The following LEMD3 variants were observed in gnomAD, a reference collection of about 807,000 sequenced individuals.
LEMD3 encodes LEM domain containing 3, also known as inner nuclear membrane protein Man1.
In LEMD3, 33 loss-of-function variants were observed where a neutral mutation model predicts 95.2. That is an observed-to-expected ratio of 0.35 (90% confidence interval 0.26 to 0.46). The LOEUF is 0.46. Ranked by LOEUF, LEMD3 falls within the 20% of genes least tolerant of loss-of-function variation. The pLI, the probability that LEMD3 is intolerant of heterozygous loss-of-function variation, is 1.00. For synonymous variants in LEMD3, 525 were observed against 474.6 expected (o/e 1.11, Z -1.38); for missense variants, 1,210 against 1,192.8 (o/e 1.01, Z -0.21).
chr12:65,204,668 G>T (rs933145641), intron 1 of LEMD3, among the ~76,000 whole-genome samples: 9 of 152,134 alleles, frequency 5.9e-5, no homozygotes, highest in African/African-American at 1.9e-4. Flanking sequence ...ATAATAGAAT[G>T]ATTTATATTC....
At chr12:65,215,842 T>C (rs1211146925) in intron 2 of LEMD3, 135 bp from the exon 3 acceptor site, 2 of 525,900 alleles carry the variant, frequency 3.8e-6, no homozygotes. Flanking sequence ...GCCCATTACT[T>C]AAATGTGAAT....
chr12:65,178,955 A>G (rs1868816498), intron 1 of LEMD3, among the ~76,000 whole-genome samples: 1 of 152,226 alleles, frequency 6.6e-6, no homozygotes, highest in Non-Finnish European at 1.5e-5. Flanking sequence ...GAAAAGTTGT[A>G]TTCATTCAAC....
intron 3 of LEMD3, among the ~76,000 whole-genome samples, chr12:65,217,942 C>T (rs749136311): frequency 5.9e-5 from 9 of 152,072 alleles, no homozygotes; most frequent in Non-Finnish European, 8.8e-5. Flanking sequence ...CTCTGCTTCC[C>T]GAATAATTGG....
chr12:65,217,676 C>A (rs979775571), intron 3 of LEMD3, among the ~76,000 whole-genome samples: 2 of 152,084 alleles, frequency 1.3e-5, no homozygotes, highest in African/African-American at 2.4e-5. Context: ...AGAAAAAGCC[C>A]TGAATTCGCT....
chr12:65,240,272 A>G (rs773148290), intron 8 of LEMD3, 34 bp downstream of exon 8: 165 of 1,436,000 alleles, frequency 1.1e-4, no homozygotes, highest in Middle Eastern at 1.7e-4. Flanking sequence ...CAAGTAAATC[A>G]GAAAATTTAA....
At chr12:65,240,859 A>C in intron 8 of LEMD3, 50 bp from the exon 9 acceptor site, 1 of 1,528,018 alleles carries the variant, frequency 6.5e-7, no homozygotes, top group Non-Finnish European at 9.1e-7. Flanking sequence ...TATTTCAAAA[A>C]GATGACAAGC....
At chr12:65,201,700 T>G (rs1010005484) in intron 1 of LEMD3, among the ~76,000 whole-genome samples, 19 of 152,146 alleles carry the variant, frequency 1.2e-4, no homozygotes, top group African/African-American at 4.6e-4. Flanking sequence ...CTTTTGGATT[T>G]TCTACATATA....
chr12:65,169,765 G>C lies in LEMD3; in HGVS notation c.169G>C (p.Gly57Arg). 1.3e-6 allele frequency: 2 copies of C among 1,586,072 alleles called. No individual in the cohort carries two copies. Among genetic ancestry groups the C allele is most frequent in the Non-Finnish European group, 1.7e-6 (2 of 1,165,756 alleles). The change falls in exon 1 of 13, where the codon GGG (glycine) becomes CGG (arginine). Residue 57 changes from glycine (G) to arginine (R), a missense_variant. Gly to Arg is a moderately radical substitution (Grantham distance 125, BLOSUM62 -2). Coordinates refer to ENST00000308330, the MANE Select transcript of LEMD3 (RefSeq NM_014319.5). Reference sequence around the variant, plus strand: ...GGAAGAGCAGCAACAGCACCGGTCAGGGGGCCGCGGCAACAAGACGCGGAA... The same window carrying C: ...GGAAGAGCAGCAACAGCACCGGTCACGGGGCCGCGGCAACAAGACGCGGAA... ...REEEQQQHRS[G>R]GRGNKTRNSN...
intron 4 of LEMD3, among the ~76,000 whole-genome samples, chr12:65,237,085 A>G (rs1870795122): frequency 6.6e-6 from 1 of 152,122 alleles, no homozygotes; most frequent in Admixed American, 6.5e-5. Flanking sequence ...AATATGTATT[A>G]CAAATACATG....
chr12:65,177,407 GCCATGA>G (rs149275589), intron 1 of LEMD3, among the ~76,000 whole-genome samples: 5,381 of 152,240 alleles, frequency 0.035, 313 homozygotes, highest in African/African-American at 0.12. Context: ...GATTATTCTG[GCCATGA>G]GCCTGGATGA....
intron 1 of LEMD3, among the ~76,000 whole-genome samples, chr12:65,172,877 C>T (rs1036445173): frequency 6.6e-6 from 1 of 151,998 alleles, no homozygotes; most frequent in African/African-American, 2.4e-5. Context: ...ATGCGCGTGC[C>T]GCCACACCTG....
chr12:65,237,381 A>G (rs1014133958), intron 4 of LEMD3, among the ~76,000 whole-genome samples: 1 of 152,168 alleles, frequency 6.6e-6, no homozygotes, highest in African/African-American at 2.4e-5. Context: ...AAAACATTGG[A>G]AAGTATTTTA....
rs1235155387 is a variant in LEMD3 at position 65,247,303 on chromosome 12, A to G, written c.*978A>G. On this transcript the variant is annotated 3_prime_UTR_variant, in exon 13 of 13. Coordinates refer to ENST00000308330, the MANE Select transcript of LEMD3 (RefSeq NM_014319.5). ...TGTATTTATTATAAATACTAGGGCC[A>G]TGACATAGTACCATTGGGGTTAAGT... 2.0e-5 allele frequency: 3 copies of G among 152,582 alleles called. No individual in the cohort carries two copies. Among genetic ancestry groups the G allele is most frequent in the Admixed American group, 6.5e-5 (1 of 15,268 alleles). The allele number at this position is 152,582 out of a possible 1,614,324, so 9.5% of individuals were successfully genotyped here.
At chr12:65,220,162 C>A (rs1870240063) in intron 4 of LEMD3, among the ~76,000 whole-genome samples, 1 of 152,276 alleles carries the variant, frequency 6.6e-6, no homozygotes, top group East Asian at 1.9e-4. Flanking sequence ...TACATTCTTT[C>A]CAATAGTATA....
At chr12:65,204,720 GAACT>G (rs1869710468) in intron 1 of LEMD3, among the ~76,000 whole-genome samples, 2 of 152,030 alleles carry the variant, frequency 1.3e-5, no homozygotes, top group African/African-American at 4.8e-5. Flanking sequence ...TCAAATGGTT[GAACT>G]AACTTACACT....
intron 4 of LEMD3, among the ~76,000 whole-genome samples, chr12:65,224,159 C>A (rs1870379067): frequency 6.6e-6 from 1 of 152,096 alleles, no homozygotes; most frequent in Non-Finnish European, 1.5e-5. Flanking sequence ...TACAGTGTTA[C>A]AGTATTCTGA....
chr12:65,181,878 C>A (rs372657531), intron 1 of LEMD3, among the ~76,000 whole-genome samples: 1 of 151,388 alleles, frequency 6.6e-6, no homozygotes, highest in East Asian at 1.9e-4. Flanking sequence ...ATATTCTTAT[C>A]CTTTTGACAG....
intron 1 of LEMD3, among the ~76,000 whole-genome samples, chr12:65,174,676 AT>A (rs1443329615): frequency 6.6e-6 from 1 of 151,922 alleles, no homozygotes; most frequent in African/African-American, 2.4e-5. Flanking sequence ...GTGTGTACAG[AT>A]TTTCATTCAA....
intron 2 of LEMD3, among the ~76,000 whole-genome samples, chr12:65,212,962 A>G (rs1869987092): frequency 6.6e-6 from 1 of 152,208 alleles, no homozygotes; most frequent in Non-Finnish European, 1.5e-5. Context: ...AGTTTAGTGT[A>G]CTTGTACTAA....
Sources: allele counts gnomAD v4.1 joint callset (sites outside exome capture counted in the v4.1 genomes callset), GRCh38; gene constraint gnomAD v4.1.1; transcripts MANE v1.5; gene names NCBI Gene and HGNC (gene_info 2026-07-23, HGNC 2026-07-21).